MRAP: variants seen among roughly 807,000 people sequenced by gnomAD.
The protein encoded by MRAP is melanocortin 2 receptor accessory protein.
Under a neutral mutation model 8.7 loss-of-function variants are expected in MRAP, and 8 were observed. The ratio of observed to expected loss-of-function variants is 0.92; its 90% CI spans 0.54 to 1.66. The LOEUF (loss-of-function observed/expected upper bound fraction) is 1.66. MRAP is among the 40% of genes most tolerant of loss of function. The pLI is 0.00. For missense variants in MRAP, 237 were observed against 217.1 expected, an observed-to-expected ratio of 1.09 and a Z score of -0.58; for synonymous variants, 95 against 95.5, an observed-to-expected ratio of 1.00 and a Z score of 0.03.
chr21:32,293,883 A>G (rs1267069241), upstream of MRAP, among the ~76,000 whole-genome samples: 1 of 151,316 alleles, frequency 6.6e-6, no homozygotes, highest in Non-Finnish European at 1.5e-5. Flanking sequence ...TTGTTTTTCT[A>G]CTAGGGGACT....
At chr21:32,304,962 G>GTTGTTTTTTTT (rs2032375424) in intron 1 of MRAP, among the ~76,000 whole-genome samples, 1 of 100,356 alleles carries the variant, frequency 1.0e-5, no homozygotes, top group African/African-American at 4.0e-5. Flanking sequence ...TGTTTTTTTT[G>GTTGTTTTTTTT]TTGTTTTTTT....
Position 32,298,915 on chromosome 21 carries a change from G to A in MRAP, c.-57G>A. On this transcript the variant is annotated 5_prime_UTR_variant, in exon 1 of 3. Coordinates refer to ENST00000303645, the MANE Select transcript of MRAP (RefSeq NM_001379228.1). Reference sequence around the variant, plus strand: ...GAGGCAGTCTCCTCCCAGGGGCTTGGCGCCTGGCTCGAGGCGAGGCTGCCG... The same window carrying A: ...GAGGCAGTCTCCTCCCAGGGGCTTGACGCCTGGCTCGAGGCGAGGCTGCCG... 6 of 1,281,236 alleles carry A rather than the reference G, an allele frequency of 4.7e-6. No homozygotes were observed. Among genetic ancestry groups the A allele is most frequent in the Non-Finnish European group, 6.8e-6 (6 of 881,800 alleles). 79.4% of individuals were successfully genotyped at this position (1,281,236 alleles called of 1,614,324 possible). A position where few individuals can be genotyped will look rare whatever the true frequency, so the allele number is the denominator to read the frequency against.
intron 2 of MRAP, among the ~76,000 whole-genome samples, chr21:32,307,237 G>T (rs983073670): frequency 2.0e-5 from 3 of 152,130 alleles, no homozygotes; most frequent in Admixed American, 6.5e-5. Context: ...GAGCGGGGAA[G>T]GGGGAATGAC....
upstream of MRAP, among the ~76,000 whole-genome samples, chr21:32,296,315 G>A (rs1031571392): frequency 1.3e-5 from 2 of 152,112 alleles, no homozygotes; most frequent in African/African-American, 2.4e-5. Context: ...GGAATTTGGG[G>A]GAGCACAATT....
At chr21:32,295,403 C>T (rs960403248), upstream of MRAP, among the ~76,000 whole-genome samples, 9 of 152,162 alleles carry the variant, frequency 5.9e-5, no homozygotes, top group Non-Finnish European at 1.0e-4. Context: ...TGAGCCCACT[C>T]GCCCAACTCC....
At position 32,306,720 on chromosome 21, in the gene MRAP, T is replaced by C; in HGVS notation, c.187T>C (p.Ser63Pro). 6.2e-7 allele frequency: 1 copy of C among 1,614,166 alleles called. No individual in the cohort carries two copies. The highest frequency in any genetic ancestry group is 8.5e-7 in the Non-Finnish European group (1 of 1,180,028). Residue 63 changes from serine (S) to proline (P), a missense_variant, in exon 2 of 3, where the codon TCC becomes CCC. Coordinates refer to ENST00000303645, the MANE Select transcript of MRAP (RefSeq NM_001379228.1). ...CCTCATCTTGCTCTACATGTCCTGG[T>C]CCGCCTCCCCGCAGATGAGGTGGGT... ...LFLILLYMSW[S>P]ASPQMRNSPK... is the part of the protein sequence containing the mutation.
chr21:32,307,499 C>A (rs985720456), intron 2 of MRAP, among the ~76,000 whole-genome samples: 1 of 151,676 alleles, frequency 6.6e-6, no homozygotes, highest in African/African-American at 2.4e-5. Flanking sequence ...ATTGCTGGAA[C>A]CCAGGTGGCG....
chr21:32,306,739 G>A lies in MRAP; in HGVS notation c.206G>A (p.Arg69Lys). The A allele has an allele frequency of 1.2e-6, 2 of 1,613,918 alleles. No homozygotes were observed. The highest frequency in any genetic ancestry group is 1.1e-5 in the South Asian group (1 of 91,060). The change falls in exon 2 of 3, where the codon AGG (arginine) becomes AAG (lysine). Residue 69 changes from arginine to lysine, a missense_variant and splice_region_variant. By Grantham distance (26) the Arg-to-Lys change is conservative. Transcript: ENST00000303645. ...TCCTGGTCCGCCTCCCCGCAGATGAGGTGGGTAAGAAGGGGTGTGAGTCTG... is the reference window on the plus strand; with the variant it reads ...TCCTGGTCCGCCTCCCCGCAGATGAAGTGGGTAAGAAGGGGTGTGAGTCTG... ...YMSWSASPQMRNSPKHHQTCP... is the reference protein window; with the variant it reads ...YMSWSASPQMKNSPKHHQTCP...
At chr21:32,301,681 G>C (rs1017064354) in intron 1 of MRAP, among the ~76,000 whole-genome samples, 3 of 152,220 alleles carry the variant, frequency 2.0e-5, no homozygotes, top group Admixed American at 2.0e-4. Flanking sequence ...AGGATGGGCT[G>C]ATTTCCCTTG....
chr21:32,314,114 A>T (rs1346852345), downstream of MRAP: 1 of 164,120 alleles, frequency 6.1e-6, no homozygotes, highest in African/African-American at 2.4e-5. Context: ...ATAATTAAAC[A>T]CTGGCAGAAA....
At chr21:32,309,383 C>T (rs964657475) in intron 2 of MRAP, among the ~76,000 whole-genome samples, 1 of 152,062 alleles carries the variant, frequency 6.6e-6, no homozygotes, top group Non-Finnish European at 1.5e-5. Context: ...GGGCTACACT[C>T]GCCAGGCCAT....
Position 32,312,026 on chromosome 21 carries a change from A to T in MRAP, c.*30A>T. On this transcript the variant is annotated 3_prime_UTR_variant, in exon 3 of 3. Transcript: ENST00000303645. Reference sequence around the variant, plus strand: ...AGTAAATCGTGGCCATAGCTGAGTGAACTGGTGAAATCAAGCCAACCTGGA... The same window carrying T: ...AGTAAATCGTGGCCATAGCTGAGTGTACTGGTGAAATCAAGCCAACCTGGA... 6.2e-7 allele frequency: 1 copy of T among 1,612,376 alleles called. No individual in the cohort carries two copies. The highest frequency in any genetic ancestry group is 1.1e-5 in the South Asian group (1 of 91,088).
chr21:32,311,154 T>A (rs1322540712), intron 2 of MRAP: 4 of 154,932 alleles, frequency 2.6e-5, no homozygotes, highest in African/African-American at 9.7e-5. Context: ...GCAGGGAAAC[T>A]CCCCTTTATA....
At chr21:32,299,127 C>T (rs766187504) in intron 1 of MRAP, 50 bp downstream of exon 1, 4 of 1,451,354 alleles carry the variant, frequency 2.8e-6, no homozygotes, top group Admixed American at 3.5e-5. Flanking sequence ...GGGCCGGGGC[C>T]CAAATGACTG....
intron 2 of MRAP, chr21:32,310,931 C>T (rs2032548641): frequency 6.6e-6 from 1 of 152,210 alleles, no homozygotes; most frequent in African/African-American, 2.4e-5. Context: ...AGGTGTGAAC[C>T]TCCATGCTTG....
At position 32,306,715 on chromosome 21, in the gene MRAP, C is replaced by G; in HGVS notation, c.182C>G (p.Ser61Cys). 1 of 1,614,168 alleles carries G rather than the reference C, an allele frequency of 6.2e-7. No individual in the cohort carries two copies. The change falls in exon 2 of 3, where the codon TCC (serine) becomes TGC (cysteine). Residue 61 changes from serine to cysteine, a missense_variant. By Grantham distance (112) the Ser-to-Cys change is moderately radical. Coordinates refer to ENST00000303645, the MANE Select transcript of MRAP (RefSeq NM_001379228.1). ...CTCTTCCTCATCTTGCTCTACATGT[C>G]CTGGTCCGCCTCCCCGCAGATGAGG... ...VLLFLILLYM[S>C]WSASPQMRNS... is the part of the protein sequence containing the mutation.
Position 32,311,684 on chromosome 21 carries a change from G to T in MRAP, c.207G>T (p.Arg69Ser). 6.2e-7 allele frequency: 1 copy of T among 1,613,910 alleles called. No homozygotes were observed. Among genetic ancestry groups the T allele is most frequent in the Non-Finnish European group, 8.5e-7 (1 of 1,179,942 alleles). Residue 69 changes from arginine to serine, a missense_variant and splice_region_variant, in exon 3 of 3, where the codon AGG becomes AGT. Physicochemically the swap from Arg to Ser is moderately radical, Grantham distance 110 (BLOSUM62 -1). Coordinates refer to ENST00000303645, the MANE Select transcript of MRAP (RefSeq NM_001379228.1). ...YMSWSASPQM[R>S]NSPKHHQTCP... The stretch of plus-strand genomic sequence containing the variant: ...GCCTCCCACTCTGCTCTGTTCACAG[G>T]AACAGCCCCAAGCACCACCAAACAT...
chr21:32,295,849 G>T (rs1167693172), upstream of MRAP, among the ~76,000 whole-genome samples: 1 of 152,138 alleles, frequency 6.6e-6, no homozygotes, highest in Non-Finnish European at 1.5e-5. Flanking sequence ...GGTGGCACCT[G>T]CCTGTAATCT....
At chr21:32,305,169 C>T (rs2032385261) in intron 1 of MRAP, among the ~76,000 whole-genome samples, 1 of 151,906 alleles carries the variant, frequency 6.6e-6, no homozygotes, top group Non-Finnish European at 1.5e-5. Flanking sequence ...TGGGGTCTTG[C>T]TATGTTGTCC....
Sources: gnomAD v4.1 joint callset for allele counts (sites outside exome capture counted in the v4.1 genomes callset) on GRCh38, gnomAD v4.1.1 for gene constraint, MANE v1.5 for transcripts, NCBI Gene and HGNC (gene_info 2026-07-23, HGNC 2026-07-21) for gene names.